The following NCALD variants were observed in gnomAD, a reference collection of about 807,000 sequenced individuals.
NCALD encodes the protein neurocalcin delta.
In NCALD, 10 loss-of-function variants were observed where a neutral mutation model predicts 18.6. The observed-to-expected ratio is 0.54, with a 90% CI of 0.33 to 0.91. The LOEUF is 0.91. Among genes scored for constraint, NCALD ranks in the 40% least tolerant of loss-of-function variants. The pLI, the probability that NCALD is intolerant of heterozygous loss-of-function variation, is 0.03. For missense variants in NCALD, 184 were observed against 247.6 expected, an observed-to-expected ratio of 0.74 and a Z score of 1.72; for synonymous variants, 88 against 87.4, an observed-to-expected ratio of 1.01 and a Z score of -0.04.
chr8:102,110,372 T>C (rs868102861), intron 1 of NCALD, among the ~76,000 whole-genome samples: 8 of 152,270 alleles, frequency 5.3e-5, no homozygotes, highest in Middle Eastern at 3.4e-3. Context: ...GAAATACAAA[T>C]GAAAAGAAAG....
chr8:101,772,732 C>CTCTACTAT (rs1811634960), intron 1 of NCALD, among the ~76,000 whole-genome samples: 1 of 152,186 alleles, frequency 6.6e-6, no homozygotes, highest in Non-Finnish European at 1.5e-5. Flanking sequence ...CATGGCTCTA[C>CTCTACTAT]TCTACTATTC....
chr8:101,730,209 C>T (rs182754306), intron 1 of NCALD, among the ~76,000 whole-genome samples: 22 of 152,088 alleles, frequency 1.4e-4, no homozygotes, highest in African/African-American at 4.8e-4. Flanking sequence ...TGGCTGGGTC[C>T]GGTGGCTCAT....
chr8:102,103,756 T>C (rs1825360574), intron 1 of NCALD, among the ~76,000 whole-genome samples: 1 of 152,102 alleles, frequency 6.6e-6, no homozygotes, highest in South Asian at 2.1e-4. Flanking sequence ...CAAAACAGCA[T>C]GCGAAGAAAT....
intron 4 of NCALD, among the ~76,000 whole-genome samples, chr8:101,815,551 G>A (rs1192166980): frequency 6.6e-6 from 1 of 152,070 alleles, no homozygotes; most frequent in African/African-American, 2.4e-5. Context: ...CATATGAAAA[G>A]ATGCTTCACA....
At chr8:102,060,094 C>A (rs1823789154) in intron 1 of NCALD, among the ~76,000 whole-genome samples, 1 of 152,198 alleles carries the variant, frequency 6.6e-6, no homozygotes, top group Non-Finnish European at 1.5e-5. Flanking sequence ...GATTCTCCTG[C>A]CTCAGCCTCC....
chr8:101,972,318 T>G (rs142981084), intron 2 of NCALD, among the ~76,000 whole-genome samples: 1 of 152,210 alleles, frequency 6.6e-6, no homozygotes, highest in African/African-American at 2.4e-5. Flanking sequence ...TCATAGGCTA[T>G]ACCACTATGC....
intron 1 of NCALD, among the ~76,000 whole-genome samples, chr8:102,033,404 T>A (rs1038365397): frequency 6.6e-6 from 1 of 152,178 alleles, no homozygotes; most frequent in Non-Finnish European, 1.5e-5. Context: ...ATATCTATAA[T>A]ACATGGGTCA....
intron 2 of NCALD, among the ~76,000 whole-genome samples, chr8:101,711,789 C>A (rs898317621): frequency 6.6e-6 from 1 of 152,046 alleles, no homozygotes; most frequent in African/African-American, 2.4e-5. Flanking sequence ...CCAAACTTAA[C>A]GTTTGATTGG....
chr8:101,695,418 C>A, intron 2 of NCALD, among the ~76,000 whole-genome samples: 1 of 152,174 alleles, frequency 6.6e-6, no homozygotes, highest in East Asian at 1.9e-4. Context: ...GTGCCTGTGA[C>A]TGGCCATAGG....
chr8:102,107,227 TATATATATATATAC>T (rs1304998481), intron 1 of NCALD, among the ~76,000 whole-genome samples: 9 of 123,656 alleles, frequency 7.3e-5, no homozygotes, highest in South Asian at 2.5e-4. Flanking sequence ...TATATATATA[TATATATATATATAC>T]ACATAGAAAT....
At chr8:101,749,607 G>A (rs2130762842) in intron 1 of NCALD, among the ~76,000 whole-genome samples, 1 of 152,202 alleles carries the variant, frequency 6.6e-6, no homozygotes, top group Non-Finnish European at 1.5e-5. Flanking sequence ...GATATACAAG[G>A]TTGTATAAAG....
rs990905919 is a variant in NCALD at position 102,076,259 on chromosome 8, T to C, written c.-210+47978A>G. ...CTCAACTTTTGAAATGTTTTTAAAA[T>C]GTTTGTAAAATAGTCTGCTAAGAGA... is the stretch of plus-strand genomic sequence containing the variant. On this transcript the variant is annotated intron_variant, in intron 1 of 6. Transcript: ENST00000311028. Among the ~76,000 whole-genome samples, 12 of 152,326 alleles carry C rather than the reference T, an allele frequency of 7.9e-5. No homozygotes were observed. The East Asian group carries it at 1.2e-3, about 15-fold the overall frequency.
At chr8:101,963,747 C>T (rs1463943287) in intron 2 of NCALD, among the ~76,000 whole-genome samples, 1 of 152,136 alleles carries the variant, frequency 6.6e-6, no homozygotes, top group Non-Finnish European at 1.5e-5. Flanking sequence ...CAACAAGCTA[C>T]TGTAAATTCA....
At chr8:101,916,091 G>A (rs1260881413) in intron 2 of NCALD, among the ~76,000 whole-genome samples, 1 of 152,012 alleles carries the variant, frequency 6.6e-6, no homozygotes, top group African/African-American at 2.4e-5. Context: ...CTGAAACAAT[G>A]GGAAACCTGG....
intron 2 of NCALD, among the ~76,000 whole-genome samples, chr8:101,999,357 A>G (rs964275183): frequency 4.6e-5 from 7 of 152,228 alleles, no homozygotes; most frequent in African/African-American, 1.7e-4. Context: ...GAATGAAGTA[A>G]TGGCATTCAC....
At chr8:102,005,195 C>T (rs966899816) in intron 2 of NCALD, among the ~76,000 whole-genome samples, 14 of 151,880 alleles carry the variant, frequency 9.2e-5, no homozygotes, top group Non-Finnish European at 1.5e-4. Context: ...AAAAAAACAA[C>T]CCCATCAACA....
At position 101,713,423 on chromosome 8, in the gene NCALD, G is replaced by T. The variant is rs556948519; in HGVS notation, c.378+5829C>A. On this transcript the variant is annotated intron_variant, in intron 2 of 3. Transcript: ENST00000220931. ...CTAGCAGAAGACAAGAAATAACTAA[G>T]ATCAGAGGAGAACTGAAGGAGATAG... Among the ~76,000 whole-genome samples the T allele has an allele frequency of 2.6e-5, 4 of 151,286 alleles. No homozygotes were observed. The South Asian group carries it at 8.4e-4, about 32-fold the overall frequency.
chr8:101,939,346 T>C (rs912614265), intron 2 of NCALD, among the ~76,000 whole-genome samples: 2 of 152,248 alleles, frequency 1.3e-5, no homozygotes, highest in African/African-American at 2.4e-5. Flanking sequence ...ATTGATAAGA[T>C]GTCTGAAATA....
chr8:102,094,538 T>C (rs1825027840), intron 1 of NCALD, among the ~76,000 whole-genome samples: 1 of 152,226 alleles, frequency 6.6e-6, no homozygotes, highest in Non-Finnish European at 1.5e-5. Context: ...CAGCGATTGC[T>C]AGTATCTTGA....
Sources: gnomAD v4.1 joint callset for allele counts (sites outside exome capture counted in the v4.1 genomes callset) on GRCh38, gnomAD v4.1.1 for gene constraint, MANE v1.5 for transcripts, NCBI Gene and HGNC (gene_info 2026-07-23, HGNC 2026-07-21) for gene names.